The following SLC28A3 variants were observed in gnomAD, a reference collection of about 807,000 sequenced individuals.
SLC28A3 encodes solute carrier family 28 member 3.
Under a neutral mutation model 84.2 loss-of-function variants are expected in SLC28A3, and 68 were observed. That is an observed-to-expected ratio of 0.81 (90% CI 0.66 to 0.99). The LOEUF is 0.99. Among genes scored for constraint, SLC28A3 ranks in the 50% least tolerant of loss-of-function variants. The pLI, the probability that SLC28A3 is intolerant of heterozygous loss-of-function variation, is 0.00. For synonymous variants in SLC28A3, 267 were observed against 303.6 expected, an observed-to-expected ratio of 0.88 and a Z score of 1.25; for missense variants, 712 against 841.5, an observed-to-expected ratio of 0.85 and a Z score of 1.90.
At chr9:84,342,666 C>G (rs77411410), upstream of SLC28A3, among the ~76,000 whole-genome samples, 234 of 152,096 alleles carry the variant, frequency 1.5e-3, no homozygotes, top group African/African-American at 5.0e-3. Flanking sequence ...AATCTTCCCA[C>G]CTGCCTTGGT....
intron 4 of SLC28A3, among the ~76,000 whole-genome samples, chr9:84,304,076 G>A (rs116505840): frequency 7.9e-5 from 12 of 152,130 alleles, no homozygotes; most frequent in African/African-American, 2.4e-4. Flanking sequence ...TTTGAACCTC[G>A]TGATTGATTC....
At chr9:84,299,302 G>A (rs377049180) in intron 6 of SLC28A3, among the ~76,000 whole-genome samples, 1 of 152,300 alleles carries the variant, frequency 6.6e-6, no homozygotes, top group African/African-American at 2.4e-5. Flanking sequence ...TTTTCTCTGT[G>A]TGTTTGATGG....
chr9:84,350,894 G>C, the SLC28A3 span, among the ~76,000 whole-genome samples: 1 of 152,108 alleles, frequency 6.6e-6, no homozygotes, highest in Non-Finnish European at 1.5e-5. Flanking sequence ...TGTATTTTTA[G>C]TAGAGGTGGT....
chr9:84,345,365 C>A (rs183873992), upstream of SLC28A3, among the ~76,000 whole-genome samples: 1 of 152,294 alleles, frequency 6.6e-6, no homozygotes, highest in Non-Finnish European at 1.5e-5. Context: ...GATATTAAAA[C>A]CTTCACCAAC....
chr9:84,307,878 A>T (rs999407065), intron 3 of SLC28A3, among the ~76,000 whole-genome samples: 11 of 152,210 alleles, frequency 7.2e-5, no homozygotes, highest in African/African-American at 2.2e-4. Flanking sequence ...AATAATTCCC[A>T]ACCTCCTGAT....
the SLC28A3 span, among the ~76,000 whole-genome samples, chr9:84,365,602 A>G: frequency 2.0e-5 from 3 of 152,182 alleles, no homozygotes; most frequent in Admixed American, 6.5e-5. Flanking sequence ...GATTTTTCCC[A>G]AACTTTTCTT....
chr9:84,303,400 A>C (rs568709340), intron 4 of SLC28A3, among the ~76,000 whole-genome samples: 95 of 152,272 alleles, frequency 6.2e-4, no homozygotes, highest in African/African-American at 2.1e-3. Flanking sequence ...GGCTCACTGC[A>C]ACCTCCACCT....
At chr9:84,303,239 GA>G (rs140247940) in intron 4 of SLC28A3, among the ~76,000 whole-genome samples, 2,608 of 152,210 alleles carry the variant, frequency 0.017, 69 homozygotes, top group African/African-American at 0.053. Flanking sequence ...ACTAGCTCTG[GA>G]AAACAAGAAA....
intron 1 of SLC28A3, among the ~76,000 whole-genome samples, chr9:84,329,337 A>T (rs1826688237): frequency 6.6e-6 from 1 of 152,246 alleles, no homozygotes; most frequent in South Asian, 2.1e-4. Flanking sequence ...AAGAAAATAC[A>T]AGAATTGAAC....
Position 84,290,230 on chromosome 9 carries a change from G to C in SLC28A3, c.1073C>G (p.Ser358Cys). 6.2e-7 allele frequency: 1 copy of C among 1,614,120 alleles called. No homozygotes were observed. Among genetic ancestry groups the C allele is most frequent in the South Asian group, 1.1e-5 (1 of 91,072 alleles). The change falls in exon 11 of 18, where the codon TCT becomes TGT. Residue 358 changes from serine to cysteine, a missense_variant. Coordinates refer to ENST00000376238, the MANE Select transcript of SLC28A3 (RefSeq NM_001199633.2). The stretch of plus-strand genomic sequence containing the variant: ...GGCGGTCATGATGGCGTGGAGTTCA[G>C]ACTTGGTGATGTAAGGTAAATATGG... ...VRPYLPYITK[S>C]ELHAIMTAGF... is the part of the protein sequence containing the mutation.
intron 1 of SLC28A3, among the ~76,000 whole-genome samples, chr9:84,315,675 A>G (rs1043032151): frequency 1.3e-5 from 2 of 152,196 alleles, no homozygotes; most frequent in Non-Finnish European, 2.9e-5. Flanking sequence ...TGGAAGAACA[A>G]TATCTCCCAC....
At chr9:84,324,978 C>G (rs1826503552) in intron 1 of SLC28A3, among the ~76,000 whole-genome samples, 2 of 152,144 alleles carry the variant, frequency 1.3e-5, no homozygotes, top group African/African-American at 4.8e-5. Context: ...AATTACAACC[C>G]CTTATGAGGT....
the SLC28A3 span, among the ~76,000 whole-genome samples, chr9:84,352,259 C>G: frequency 6.6e-6 from 1 of 152,056 alleles, no homozygotes; most frequent in African/African-American, 2.4e-5. Flanking sequence ...TCTTGGCTCA[C>G]TGTAACCTCC....
At chr9:84,351,872 A>G in the SLC28A3 span, among the ~76,000 whole-genome samples, 20 of 151,774 alleles carry the variant, frequency 1.3e-4, no homozygotes, top group South Asian at 4.2e-3. Flanking sequence ...TTTACTCCCA[A>G]AGGGTTCAGG....
chr9:84,354,274 C>T, the SLC28A3 span, among the ~76,000 whole-genome samples: 1 of 152,204 alleles, frequency 6.6e-6, no homozygotes, highest in Non-Finnish European at 1.5e-5. Context: ...GTTTTGTGAA[C>T]CATGGGCTCT....
intron 1 of SLC28A3, among the ~76,000 whole-genome samples, chr9:84,326,633 AAACAACAACAACAAC>A (rs34082643): frequency 0.14 from 20,904 of 148,166 alleles, 1,715 homozygotes; most frequent in Admixed American, 0.22. Context: ...GATGGATTAA[AAACAACAACAACAAC>A]AACAACAACA....
At chr9:84,366,173 A>G in the SLC28A3 span, among the ~76,000 whole-genome samples, 2 of 152,174 alleles carry the variant, frequency 1.3e-5, no homozygotes, top group South Asian at 4.2e-4. Flanking sequence ...CAATTCTGCT[A>G]TTAAGATTCT....
intron 3 of SLC28A3, among the ~76,000 whole-genome samples, chr9:84,306,456 T>C (rs562322962): frequency 1.1e-4 from 16 of 152,346 alleles, no homozygotes; most frequent in Admixed American, 9.2e-4. Flanking sequence ...CTCAGACAGA[T>C]ACATGCCTCT....
intron 1 of SLC28A3, among the ~76,000 whole-genome samples, chr9:84,327,925 CAAA>C (rs60624658): frequency 9.3e-6 from 1 of 107,354 alleles, no homozygotes; most frequent in Non-Finnish European, 1.8e-5. Context: ...GACTCCATTT[CAAA>C]AAAAAAAAAA....
Sources: allele counts gnomAD v4.1 joint callset (sites outside exome capture counted in the v4.1 genomes callset), GRCh38; gene constraint gnomAD v4.1.1; transcripts MANE v1.5; gene names NCBI Gene and HGNC (gene_info 2026-07-23, HGNC 2026-07-21).